The following PTRH1 variants were observed in gnomAD, a reference collection of about 807,000 sequenced individuals.
The protein encoded by PTRH1 is peptidyl-tRNA hydrolase 1 homolog, also known as peptidyl-tRNA hydrolase.
PTRH1 carries 13 observed loss-of-function variants against 15.7 expected under a neutral mutation model. That is an observed-to-expected ratio of 0.83 (90% CI 0.54 to 1.31). The LOEUF (loss-of-function observed/expected upper bound fraction) is 1.31. PTRH1 is among the 40% of genes most tolerant of loss of function. PTRH1 has a pLI of 0.00. For synonymous variants in PTRH1, 139 were observed against 136.7 expected, an observed-to-expected ratio of 1.02 and a Z score of -0.12; for missense variants, 319 against 296.2, an observed-to-expected ratio of 1.08 and a Z score of -0.56.
chr9:127,712,458 T>A, downstream of PTRH1: 1 of 1,487,180 alleles, frequency 6.7e-7, no homozygotes, highest in Non-Finnish European at 9.0e-7. Context: ...CTCTTTTCCC[T>A]GAGAGACTCC....
downstream of PTRH1, chr9:127,709,642 C>G: frequency 1.2e-6 from 2 of 1,613,744 alleles, no homozygotes; most frequent in Non-Finnish European, 1.7e-6. This position sits in a 1 kb window ranked among gnomAD's most constrained non-coding sequence, Gnocchi z 4.7. Flanking sequence ...CCAGGTGCGC[C>G]ACGAGTTCCA....
At chr9:127,699,220 A>G (rs550351414) in intron 1 of PTRH1, among the ~76,000 whole-genome samples, 1 of 152,276 alleles carries the variant, frequency 6.6e-6, no homozygotes, top group East Asian at 1.9e-4. Flanking sequence ...AGAAGCCAAA[A>G]TGCCCAAGGA....
At chr9:127,713,766 CA>C (rs1269845290), downstream of PTRH1, 1 of 1,385,028 alleles carries the variant, frequency 7.2e-7, no homozygotes, top group African/African-American at 1.4e-5. Context: ...CTCGGCCTCC[CA>C]AAGTGCTGGG....
chr9:127,707,108 T>TGGTGGCCGTGGAGCCGCC, intron 1 of PTRH1: 3 of 1,613,786 alleles, frequency 1.9e-6, no homozygotes, highest in Non-Finnish European at 2.5e-6. Context: ...AAGGAGCCGG[T>TGGTGGCCGTGGAGCCGCC]GGTGGCCGTG....
downstream of PTRH1, chr9:127,712,396 C>A: frequency 6.2e-7 from 1 of 1,601,408 alleles, no homozygotes; most frequent in Non-Finnish European, 8.5e-7. Flanking sequence ...GGGGAGTGAG[C>A]GCAAGATGGA....
chr9:127,694,438 G>T (rs1842537378), intron 2 of PTRH1, among the ~76,000 whole-genome samples: 1 of 152,068 alleles, frequency 6.6e-6, no homozygotes, highest in Admixed American at 6.5e-5. Context: ...GAAGTCTTCT[G>T]TCCCAGCTTC....
At chr9:127,714,519 G>A in intron 3 of PTRH1, 84 bp downstream of exon 3, 1 of 1,592,982 alleles carries the variant, frequency 6.3e-7, no homozygotes, top group Non-Finnish European at 8.6e-7. Context: ...CCCATTTCCT[G>A]TGGAGACTGG....
Position 127,714,254 on chromosome 9 carries a change from C to T in PTRH1, c.491G>A (p.Gly164Glu). The change falls in exon 5 of 5, where the codon GGG becomes GAG. Residue 164 changes from glycine (G) to glutamate (E), a missense_variant. Coordinates refer to ENST00000543175, the MANE Select transcript of PTRH1 (RefSeq NM_001002913.3). ...NAMPRLRVGIGRPAHPEAVQA... is the reference protein window; with the variant it reads ...NAMPRLRVGIERPAHPEAVQA... Reference sequence around the variant, plus strand: ...AACCGCCTCAGGGTGCGCCGGGCGCCCGATACCCACCCGCAGCCTTGGCAT... The same window carrying T: ...AACCGCCTCAGGGTGCGCCGGGCGCTCGATACCCACCCGCAGCCTTGGCAT... 6.2e-7 allele frequency: 1 copy of T among 1,613,964 alleles called. No homozygotes were observed. The highest frequency in any genetic ancestry group is 8.5e-7 in the Non-Finnish European group (1 of 1,179,984).
At chr9:127,699,731 A>C (rs1280134468) in intron 1 of PTRH1, among the ~76,000 whole-genome samples, 2 of 152,072 alleles carry the variant, frequency 1.3e-5, no homozygotes, top group Non-Finnish European at 2.9e-5. Flanking sequence ...AAAAAACAAA[A>C]AAACTGGTTC....
chr9:127,702,474 C>G (rs922251163), intron 1 of PTRH1, among the ~76,000 whole-genome samples: 35 of 151,978 alleles, frequency 2.3e-4, no homozygotes, highest in South Asian at 6.2e-4. Flanking sequence ...GAGATCAAGG[C>G]TGCAGTGAAC....
chr9:127,711,723 C>G (rs1842769141), downstream of PTRH1: 6 of 1,387,328 alleles, frequency 4.3e-6, no homozygotes, highest in Non-Finnish European at 5.9e-6. Context: ...GGAGAGCTCA[C>G]TGGCCGCTCT....
At chr9:127,695,095 G>GTGATGATGA in exon 2 of PTRH1, 1 of 470,804 alleles carries the variant, frequency 2.1e-6, no homozygotes, top group Admixed American at 3.4e-5. Flanking sequence ...GATGATGATG[G>GTGATGATGA]TGATGATGAT....
chr9:127,712,963 C>T, downstream of PTRH1: 1 of 1,598,094 alleles, frequency 6.3e-7, no homozygotes, highest in South Asian at 1.1e-5. Flanking sequence ...TCGGCTCACC[C>T]TGGGCCAGAA....
chr9:127,712,545 A>C (rs1842790317), downstream of PTRH1: 12 of 1,519,182 alleles, frequency 7.9e-6, no homozygotes, highest in East Asian at 2.9e-4. Flanking sequence ...TCCTTCTCTG[A>C]GGCTCTGAAA....
At chr9:127,713,538 ACT>A (rs1390841429), downstream of PTRH1, 1 of 224,570 alleles carries the variant, frequency 4.5e-6, no homozygotes, top group African/African-American at 3.3e-5. Context: ...ACAGAGTCTC[ACT>A]CTGTCACCCA....
downstream of PTRH1, chr9:127,710,596 G>T (rs769703138): frequency 2.5e-6 from 4 of 1,576,904 alleles, no homozygotes; most frequent in Non-Finnish European, 3.4e-6. Flanking sequence ...CGCTGTGGCG[G>T]CCAGGGGGGA....
chr9:127,713,312 T>C, downstream of PTRH1: 2 of 871,672 alleles, frequency 2.3e-6, no homozygotes, highest in Non-Finnish European at 3.4e-6. Flanking sequence ...TGTAACCAGA[T>C]CTCTCTGAGC....
downstream of PTRH1, chr9:127,712,845 A>C (rs567391916): frequency 1.0e-4 from 165 of 1,613,276 alleles, 1 homozygote; most frequent in South Asian, 1.7e-3. Context: ...CCCCACCAGG[A>C]GTCACAGTCC....
chr9:127,705,335 G>A lies in PTRH1; in HGVS notation c.205+10100C>T, dbSNP rs1185981633. On this transcript the variant is annotated intron_variant, in intron 1 of 2. Transcript: ENST00000335223. This position sits in a 1 kb window ranked among gnomAD's most constrained non-coding sequence, Gnocchi z 4.7. ...AGACAGTGCCCCCATGGCAAGTAGC[G>A]GCCTATGGTCCAAAGTAGGGAGCTT... Among the ~76,000 whole-genome samples the A allele has an allele frequency of 6.6e-6, 1 of 152,188 alleles. No individual in the cohort carries two copies. Among genetic ancestry groups the A allele is most frequent in the Non-Finnish European group, 1.5e-5 (1 of 68,030 alleles).
Sources: allele counts gnomAD v4.1 joint callset (sites outside exome capture counted in the v4.1 genomes callset), GRCh38; gene constraint gnomAD v4.1.1; non-coding constraint Gnocchi (gnomAD v3.1); transcripts MANE v1.5; gene names NCBI Gene and HGNC (gene_info 2026-07-23, HGNC 2026-07-21).